Variants in RYR2 observed in about 807,000 individuals in gnomAD.
RYR2 encodes ryanodine receptor 2, also known as cardiac muscle ryanodine receptor-calcium release channel.
In RYR2, 227 loss-of-function variants were observed where a neutral mutation model predicts 601.1. The observed-to-expected ratio is 0.38, with a 90% confidence interval of 0.34 to 0.42. The LOEUF (loss-of-function observed/expected upper bound fraction) is 0.42, where lower values mean the gene tolerates loss of function less well. RYR2 is among the 10% of genes least tolerant of loss of function. The probability of loss-of-function intolerance (pLI) is 1.00; values close to 1 mark genes in which losing one functional copy is unlikely to be tolerated. For missense variants in RYR2, 4,646 were observed against 6,156.5 expected (o/e 0.75, Z 8.21); for synonymous variants, 2,223 against 2,175.1 (o/e 1.02, Z -0.61).
chr1:237,250,932 A>C (rs142418466), intron 1 of RYR2, among the ~76,000 whole-genome samples: 4 of 152,290 alleles, frequency 2.6e-5, no homozygotes, highest in Admixed American at 1.3e-4. Context: ...TTATGTTAGC[A>C]GAGGGATCTT....
chr1:237,382,333 TTC>T (rs1701588070), intron 8 of RYR2, among the ~76,000 whole-genome samples: 1 of 152,164 alleles, frequency 6.6e-6, no homozygotes, highest in Non-Finnish European at 1.5e-5. Flanking sequence ...TTCAAAAAAT[TTC>T]TTTCTTTCTT....
chr1:237,373,098 T>A (rs562093607), intron 6 of RYR2, among the ~76,000 whole-genome samples: 11 of 152,356 alleles, frequency 7.2e-5, no homozygotes, highest in African/African-American at 2.6e-4. Context: ...GGAAGTCTGA[T>A]TATTGCAAAG....
intron 19 of RYR2, among the ~76,000 whole-genome samples, chr1:237,493,679 C>T (rs1390801334): frequency 2.0e-5 from 3 of 152,152 alleles, no homozygotes; most frequent in Non-Finnish European, 2.9e-5. Context: ...GTCTCGAACT[C>T]CTGACCTCGT....
At chr1:237,633,416 C>T (rs779943062) in intron 42 of RYR2, among the ~76,000 whole-genome samples, 162 bp from the exon 43 acceptor site, 7 of 152,114 alleles carry the variant, frequency 4.6e-5, no homozygotes, top group South Asian at 2.1e-4. Context: ...GACTCAGGGA[C>T]GAGGCAAATC....
At chr1:237,111,481 AGGAGACT>A (rs1026442945) in intron 1 of RYR2, among the ~76,000 whole-genome samples, 3 of 151,776 alleles carry the variant, frequency 2.0e-5, no homozygotes, top group African/African-American at 4.8e-5. Flanking sequence ...CCAGCTACTC[AGGAGACT>A]GTGGGAGGAG....
In RYR2 at chr1:237,651,438, C is replaced by A; in HGVS notation, c.7761C>A (p.His2587Gln). Reference sequence around the variant, plus strand: ...AACTGAGACCTTCTATGATGCAGCACTTACTCAGAAGATTAGTATTTGATG... The same window carrying A: ...AACTGAGACCTTCTATGATGCAGCAATTACTCAGAAGATTAGTATTTGATG... Reference protein sequence around the residue: ...CGQLRPSMMQHLLRRLVFDVP... With the variant: ...CGQLRPSMMQQLLRRLVFDVP... Residue 2587 changes from histidine (H) to glutamine (Q), a missense_variant, in exon 51 of 105, where the codon CAC becomes CAA. His to Gln is a conservative substitution (Grantham distance 24). Around this residue, in one of 17 missense-constraint regions of RYR2, gnomAD observed 1,497 missense variants for 1,842.6 expected, o/e 0.81. Coordinates refer to ENST00000366574, the MANE Select transcript of RYR2 (RefSeq NM_001035.3). 1 of 1,596,718 alleles carries A rather than the reference C, an allele frequency of 6.3e-7. No homozygotes were observed. The highest frequency in any genetic ancestry group is 8.5e-7 in the Non-Finnish European group (1 of 1,170,674).
intron 25 of RYR2, among the ~76,000 whole-genome samples, chr1:237,543,888 A>G (rs935170354): frequency 2.0e-5 from 3 of 152,196 alleles, no homozygotes; most frequent in Admixed American, 6.5e-5. Context: ...CTGAGCTGCA[A>G]CTTAACATGA....
At chr1:237,533,411 A>C (rs1668316918) in intron 25 of RYR2, among the ~76,000 whole-genome samples, 1 of 152,154 alleles carries the variant, frequency 6.6e-6, no homozygotes, top group Non-Finnish European at 1.5e-5. Flanking sequence ...ACTCATAGAG[A>C]TATACCCTAG....
intron 29 of RYR2, among the ~76,000 whole-genome samples, chr1:237,587,572 C>T (rs1239441151): frequency 6.6e-6 from 1 of 151,930 alleles, no homozygotes; most frequent in Non-Finnish European, 1.5e-5. Flanking sequence ...GGAGTATTTT[C>T]CTATGCATTA....
At chr1:237,518,501 G>A (rs1666783439) in intron 24 of RYR2, among the ~76,000 whole-genome samples, 1 of 152,176 alleles carries the variant, frequency 6.6e-6, no homozygotes, top group South Asian at 2.1e-4. Context: ...TTGTGAATGA[G>A]AACATGGGTA....
chr1:237,134,788 T>A (rs1398937839), intron 1 of RYR2, among the ~76,000 whole-genome samples: 1 of 152,262 alleles, frequency 6.6e-6, no homozygotes, highest in Non-Finnish European at 1.5e-5. Context: ...GGGATTGTTG[T>A]AAGCAATCTA....
Position 237,610,178 on chromosome 1 carries a change from T to C in RYR2, c.4684-584T>C, listed in dbSNP as rs920718019. On this transcript the variant is annotated intron_variant, in intron 35 of 104. Transcript: ENST00000366574. This position sits in a 1 kb window ranked among gnomAD's most constrained non-coding sequence, Gnocchi z 4.9. ...TTCTTTGACACCAGACAGAAAGAATTAAGGATGGCTGAAGATGATACTGGA... is the reference window on the plus strand; with the variant it reads ...TTCTTTGACACCAGACAGAAAGAATCAAGGATGGCTGAAGATGATACTGGA... 6.6e-6 allele frequency among the ~76,000 whole-genome samples: 1 copy of C among 152,148 alleles called. No homozygotes were observed. Among genetic ancestry groups the C allele is most frequent in the Non-Finnish European group, 1.5e-5 (1 of 68,024 alleles).
At chr1:237,374,488 T>C (rs1271620360) in intron 6 of RYR2, among the ~76,000 whole-genome samples, 1 of 152,142 alleles carries the variant, frequency 6.6e-6, no homozygotes, top group East Asian at 1.9e-4. Flanking sequence ...TGAAACCATA[T>C]CTCTACAAAA....
chr1:237,145,999 T>G (rs1296910556), intron 1 of RYR2, among the ~76,000 whole-genome samples: 1 of 152,216 alleles, frequency 6.6e-6, no homozygotes, highest in African/African-American at 2.4e-5. Context: ...AATGTCGGTA[T>G]TAATAAAAAT....
chr1:237,659,946 C>T (rs934257493), intron 54 of RYR2, 39 bp from the exon 55 acceptor site: 18 of 1,358,334 alleles, frequency 1.3e-5, no homozygotes, highest in Non-Finnish European at 1.7e-5. Context: ...CTAAAATTAA[C>T]ACGTGTAAAA....
At chr1:237,497,156 A>G (rs1664156347) in intron 20 of RYR2, among the ~76,000 whole-genome samples, 1 of 152,178 alleles carries the variant, frequency 6.6e-6, no homozygotes, top group South Asian at 2.1e-4. Context: ...CAAAAAACAA[A>G]TCTTGGAAAA....
intron 43 of RYR2, among the ~76,000 whole-genome samples, chr1:237,634,252 C>T (rs915458585): frequency 2.6e-5 from 4 of 152,088 alleles, no homozygotes; most frequent in Admixed American, 2.0e-4. Flanking sequence ...AAATGTGGTA[C>T]ATATTCACAA....
At chr1:237,499,118 A>G (rs966020308) in intron 20 of RYR2, among the ~76,000 whole-genome samples, 24 of 152,134 alleles carry the variant, frequency 1.6e-4, no homozygotes, top group African/African-American at 5.6e-4. Context: ...AATATCAGTG[A>G]TTTCCAGGAT....
chr1:237,633,845 T>G, intron 43 of RYR2, 135 bp downstream of exon 43: 36 of 821,196 alleles, frequency 4.4e-5, no homozygotes, highest in Non-Finnish European at 6.3e-5. Context: ...AGTTGGCCAA[T>G]AGGTATATGA....
Sources: allele counts gnomAD v4.1 joint callset (sites outside exome capture counted in the v4.1 genomes callset), GRCh38; gene constraint gnomAD v4.1.1; regional missense constraint gnomAD v4.1.1; non-coding constraint Gnocchi (gnomAD v3.1); transcripts MANE v1.5; gene names NCBI Gene and HGNC (gene_info 2026-07-23, HGNC 2026-07-21).